Variants in WIF1 observed in about 807,000 individuals in gnomAD.
The protein encoded by WIF1 is Wnt inhibitory factor 1.
A neutral mutation model predicts 53.5 loss-of-function variants in WIF1; 35 were observed. The observed-to-expected ratio is 0.65, with a 90% CI of 0.50 to 0.87. The LOEUF (loss-of-function observed/expected upper bound fraction) is 0.87, where lower values mean the gene tolerates loss of function less well. WIF1 is among the 40% of genes least tolerant of loss of function. WIF1 has a pLI of 0.00. For synonymous variants in WIF1, 171 were observed against 170.4 expected, an observed-to-expected ratio of 1.00 and a Z score of -0.03; for missense variants, 467 against 476.8, an observed-to-expected ratio of 0.98 and a Z score of 0.19.
chr12:65,068,230 C>T (rs1443036644), intron 4 of WIF1, among the ~76,000 whole-genome samples: 2 of 151,990 alleles, frequency 1.3e-5, no homozygotes, highest in African/African-American at 4.8e-5. Context: ...GGAGCCAGGC[C>T]TTTATAGTTA....
chr12:65,097,701 T>C (rs924084282), intron 2 of WIF1, among the ~76,000 whole-genome samples: 9 of 152,222 alleles, frequency 5.9e-5, no homozygotes, highest in Non-Finnish European at 1.3e-4. Flanking sequence ...AATCAAGTCC[T>C]TCCTCAACAT....
chr12:65,073,656 G>T (rs907087551), intron 3 of WIF1, among the ~76,000 whole-genome samples: 1 of 152,148 alleles, frequency 6.6e-6, no homozygotes, highest in Non-Finnish European at 1.5e-5. Context: ...GTATAAAATA[G>T]CCTTGTAGAA....
Position 65,110,329 on chromosome 12 carries a change from C to T in WIF1, c.288+10088G>A, listed in dbSNP as rs117846063. On this transcript the variant is annotated intron_variant, in intron 2 of 9. Transcript: ENST00000286574. The stretch of plus-strand genomic sequence containing the variant: ...CCTCATTAACATTTCCCAGAATGCA[C>T]TTTCACAACTCTGTTGACCCTGCCT... Among the ~76,000 whole-genome samples the T allele has an allele frequency of 4.0e-5, 6 of 150,924 alleles. No homozygotes were observed. The East Asian group carries it at 1.2e-3, about 30-fold the overall frequency.
At chr12:65,099,863 T>G (rs1381134299) in intron 2 of WIF1, among the ~76,000 whole-genome samples, 2 of 152,214 alleles carry the variant, frequency 1.3e-5, no homozygotes, top group East Asian at 3.8e-4. Context: ...AATAACTCTT[T>G]AAGTTTTGAC....
chr12:65,092,714 G>A (rs1883144745), intron 2 of WIF1, among the ~76,000 whole-genome samples: 1 of 151,970 alleles, frequency 6.6e-6, no homozygotes, highest in Non-Finnish European at 1.5e-5. Flanking sequence ...TAGCGAAGAG[G>A]CCAGTGTGGC....
intron 4 of WIF1, 51 bp from the exon 5 acceptor site, chr12:65,067,841 G>A: frequency 6.5e-7 from 1 of 1,529,056 alleles, no homozygotes; most frequent in South Asian, 1.1e-5. Flanking sequence ...AATCATGTTG[G>A]GTGAATCACA....
intron 3 of WIF1, among the ~76,000 whole-genome samples, chr12:65,075,419 C>T (rs1164217923): frequency 6.6e-6 from 1 of 152,208 alleles, no homozygotes; most frequent in East Asian, 1.9e-4. Context: ...AAGAATAAGA[C>T]TAAATTTTTT....
chr12:65,109,330 T>A (rs1313408648), intron 2 of WIF1, among the ~76,000 whole-genome samples: 1 of 152,206 alleles, frequency 6.6e-6, no homozygotes. Flanking sequence ...TATACTCTCA[T>A]AGCATCTTTC....
At chr12:65,106,637 C>T (rs889220759) in intron 2 of WIF1, among the ~76,000 whole-genome samples, 3 of 152,102 alleles carry the variant, frequency 2.0e-5, no homozygotes, top group South Asian at 2.1e-4. Context: ...TGAGCCACTG[C>T]GCCCATCCCA....
At chr12:65,107,507 C>G (rs971673077) in intron 2 of WIF1, among the ~76,000 whole-genome samples, 2 of 152,184 alleles carry the variant, frequency 1.3e-5, no homozygotes, top group Non-Finnish European at 2.9e-5. Flanking sequence ...GTAACCCCAG[C>G]TACTCAGGAG....
intron 2 of WIF1, among the ~76,000 whole-genome samples, chr12:65,088,689 T>C (rs1883078848): frequency 6.6e-6 from 1 of 152,100 alleles, no homozygotes; most frequent in African/African-American, 2.4e-5. Context: ...CTTCTCCTTC[T>C]CTTCTTTTTT....
rs201203587 is a variant in WIF1 at position 65,077,763 on chromosome 12, A to C, written c.380T>G (p.Val127Gly). 2 of 1,613,604 alleles carry C rather than the reference A, an allele frequency of 1.2e-6. No individual in the cohort carries two copies. Among genetic ancestry groups the C allele is most frequent in the Non-Finnish European group, 1.7e-6 (2 of 1,179,650 alleles). The change falls in exon 3 of 10, where the codon GTG (valine) becomes GGG (glycine). Residue 127 changes from valine (V) to glycine (G), a missense_variant. Transcript: ENST00000286574. ...CCACCCACCTGATGCCTTGTGAGGC[A>C]CTGTTCCCAGCAGAGGGACATTGAC... ...PTVNVPLLGT[V>G]PHKASVVQVG...
chr12:65,064,751 A>G (rs777563692), intron 6 of WIF1, among the ~76,000 whole-genome samples: 45 of 152,206 alleles, frequency 3.0e-4, no homozygotes, highest in Non-Finnish European at 5.1e-4. Flanking sequence ...ATAGATAGAT[A>G]TATTACTTTG....
At chr12:65,114,236 T>C (rs1883476822) in intron 2 of WIF1, among the ~76,000 whole-genome samples, 1 of 152,078 alleles carries the variant, frequency 6.6e-6, no homozygotes, top group Admixed American at 6.6e-5. Context: ...TTAATATAAG[T>C]CTCTAACTCC....
At chr12:65,096,693 G>T (rs1272900242) in intron 2 of WIF1, among the ~76,000 whole-genome samples, 6 of 152,128 alleles carry the variant, frequency 3.9e-5, no homozygotes, top group African/African-American at 1.4e-4. Context: ...GCCATAAAAA[G>T]AATGAGATCA....
chr12:65,090,945 T>C (rs1447921912), intron 2 of WIF1, among the ~76,000 whole-genome samples: 1 of 152,086 alleles, frequency 6.6e-6, no homozygotes, highest in African/African-American at 2.4e-5. Context: ...TGGAGGGGTG[T>C]GATCAACAGA....
intron 2 of WIF1, among the ~76,000 whole-genome samples, chr12:65,099,376 A>G (rs1345112056): frequency 6.6e-6 from 1 of 152,220 alleles, no homozygotes; most frequent in Non-Finnish European, 1.5e-5. Context: ...TCACTGCAGC[A>G]GATTTTGCTC....
chr12:65,068,716 C>G, intron 4 of WIF1, 48 bp downstream of exon 4: 1 of 1,599,350 alleles, frequency 6.3e-7, no homozygotes, highest in South Asian at 1.1e-5. Flanking sequence ...CCAAATCACA[C>G]CTAAGCCCTT....
Position 65,056,366 on chromosome 12 carries a change from C to CTTTTTTTTTTTTTTTTTT in WIF1, c.827-258_827-241dup, listed in dbSNP as rs10584146. Among the ~76,000 whole-genome samples, 3 of 24,222 alleles carry CTTTTTTTTTTTTTTTTTT rather than the reference C, an allele frequency of 1.2e-4. 1 individual carries two copies. Among genetic ancestry groups the CTTTTTTTTTTTTTTTTTT allele is most frequent in the African/African-American group, 4.2e-4 (3 of 7,138 alleles). The allele number at this position is 24,222 out of a possible 152,430, so 15.9% of individuals were successfully genotyped here. On this transcript the variant is annotated intron_variant, in intron 7 of 9. Transcript: ENST00000286574. ...GTTGCCAAAATGCTGCATTTATATC[C>CTTTTTTTTTTTTTTTTTT]TTTTTTTTTTTTTTTTTTTTTTTTT... is the stretch of plus-strand genomic sequence containing the variant.
Sources: allele counts gnomAD v4.1 joint callset (sites outside exome capture counted in the v4.1 genomes callset), GRCh38; gene constraint gnomAD v4.1.1; transcripts MANE v1.5; gene names NCBI Gene and HGNC (gene_info 2026-07-23, HGNC 2026-07-21).